Variants in FGGY observed in about 807,000 individuals in gnomAD.
FGGY encodes the protein FGGY carbohydrate kinase domain-containing protein.
A neutral mutation model predicts 71.3 loss-of-function variants in FGGY; 72 were observed. That is an observed-to-expected ratio of 1.01 (90% CI 0.84 to 1.23). The LOEUF is 1.23. FGGY is among the 50% of genes most tolerant of loss of function. The probability of loss-of-function intolerance (pLI) is 0.00; values close to 1 mark genes in which losing one functional copy is unlikely to be tolerated. For missense variants in FGGY, 668 were observed against 682.3 expected (o/e 0.98, Z 0.23); for synonymous variants, 251 against 250.3 (o/e 1.00, Z -0.02).
intron 4 of FGGY, among the ~76,000 whole-genome samples, chr1:59,361,335 A>C (rs1165162895): frequency 6.6e-6 from 1 of 152,210 alleles, no homozygotes; most frequent in Non-Finnish European, 1.5e-5. Context: ...AAGTCACAGT[A>C]CAGCATTAGT....
intron 14 of FGGY, chr1:59,699,121 C>T: frequency 4.1e-6 from 4 of 985,388 alleles, no homozygotes; most frequent in Non-Finnish European, 3.6e-6. Flanking sequence ...TCAAACCAAT[C>T]TTGATTATAA....
intron 9 of FGGY, among the ~76,000 whole-genome samples, chr1:59,614,808 A>C (rs2096732810): frequency 6.6e-6 from 1 of 152,236 alleles, no homozygotes; most frequent in Non-Finnish European, 1.5e-5. Context: ...AACTCCCCGG[A>C]TACAAAATCA....
intron 14 of FGGY, among the ~76,000 whole-genome samples, chr1:59,698,499 A>G (rs1340133081): frequency 1.3e-5 from 2 of 152,088 alleles, no homozygotes; most frequent in African/African-American, 4.8e-5. Flanking sequence ...CAGCATCTCA[A>G]TTCCCCCATG....
At chr1:59,573,566 C>T (rs2096025659) in intron 8 of FGGY, among the ~76,000 whole-genome samples, 1 of 151,936 alleles carries the variant, frequency 6.6e-6, no homozygotes, top group South Asian at 2.1e-4. Context: ...GAATATTATA[C>T]AATAATTCTT....
intron 5 of FGGY, among the ~76,000 whole-genome samples, chr1:59,380,805 C>A (rs1205656585): frequency 6.6e-6 from 1 of 151,504 alleles, no homozygotes; most frequent in Non-Finnish European, 1.5e-5. Context: ...AATGAGATCC[C>A]ATTTGTCAAT....
rs565269827 is a variant in FGGY at position 59,745,468 on chromosome 1, G to A, written c.1513-12463G>A. Among the ~76,000 whole-genome samples the A allele has an allele frequency of 9.2e-5, 14 of 152,284 alleles. No individual in the cohort carries two copies. In the South Asian group the frequency reaches 2.9e-3, roughly 32 times the overall value. On this transcript the variant is annotated intron_variant, in intron 14 of 15. Transcript: ENST00000303721. ...ATTTTGATTCTTTGCTGTCGATTTGGTTGCTGATCTGCTGGCCAAAGGATC... is the reference window on the plus strand; with the variant it reads ...ATTTTGATTCTTTGCTGTCGATTTGATTGCTGATCTGCTGGCCAAAGGATC...
chr1:59,565,956 C>A (rs888534114), intron 8 of FGGY, among the ~76,000 whole-genome samples: 1 of 152,192 alleles, frequency 6.6e-6, no homozygotes, highest in African/African-American at 2.4e-5. Context: ...CTGTTCCCTG[C>A]TGCGCTGTGG....
chr1:59,477,232 T>A (rs999500234), intron 6 of FGGY, among the ~76,000 whole-genome samples: 2 of 152,234 alleles, frequency 1.3e-5, no homozygotes, highest in African/African-American at 4.8e-5. Flanking sequence ...AGGTGGTGAC[T>A]TTGGCCTCCA....
At chr1:59,549,452 G>A (rs1282223644) in intron 7 of FGGY, among the ~76,000 whole-genome samples, 3 of 152,198 alleles carry the variant, frequency 2.0e-5, no homozygotes, top group Non-Finnish European at 4.4e-5. Flanking sequence ...AATCCTAGTT[G>A]AGTCCAACTT....
At chr1:59,362,752 T>C (rs2055819053) in intron 4 of FGGY, among the ~76,000 whole-genome samples, 1 of 152,210 alleles carries the variant, frequency 6.6e-6, no homozygotes, top group African/African-American at 2.4e-5. Context: ...AAATTATGTA[T>C]TTTAGAACTT....
rs2067233201 is a variant in FGGY at position 59,430,883 on chromosome 1, T to C, written c.555-26078T>C. The stretch of plus-strand genomic sequence containing the variant: ...CTTTTCATTGGGTAGCCCTACCTGC[T>C]GACCCATAGACACCCTAGGCTCAAC... On this transcript the variant is annotated intron_variant, in intron 5 of 15. Transcript: ENST00000303721. Among the ~76,000 whole-genome samples, 8 of 152,370 alleles carry C rather than the reference T, an allele frequency of 5.3e-5. No homozygotes were observed. The South Asian group carries it at 1.4e-3, about 28-fold the overall frequency.
intron 14 of FGGY, among the ~76,000 whole-genome samples, chr1:59,694,942 C>T (rs573430320): frequency 2.6e-5 from 4 of 152,240 alleles, no homozygotes; most frequent in South Asian, 4.1e-4. Flanking sequence ...TTTACTTGAT[C>T]GAAGAATTAG....
At chr1:59,660,909 G>A (rs1464528889) in intron 12 of FGGY, among the ~76,000 whole-genome samples, 1 of 152,182 alleles carries the variant, frequency 6.6e-6, no homozygotes, top group African/African-American at 2.4e-5. Context: ...CTACAAGAGG[G>A]TTCTAATCCT....
At chr1:59,413,167 T>C (rs181148680) in intron 5 of FGGY, among the ~76,000 whole-genome samples, 40 of 152,292 alleles carry the variant, frequency 2.6e-4, no homozygotes, top group African/African-American at 9.4e-4. Context: ...TTTAAGTCCT[T>C]TTTCTGTTGT....
intron 5 of FGGY, among the ~76,000 whole-genome samples, chr1:59,439,538 T>C (rs1004753586): frequency 6.6e-6 from 1 of 152,142 alleles, no homozygotes; most frequent in African/African-American, 2.4e-5. Flanking sequence ...AACTCTCCTT[T>C]CCTTAAAGAT....
At chr1:59,600,848 C>T (rs990254975) in intron 8 of FGGY, among the ~76,000 whole-genome samples, 3 of 152,120 alleles carry the variant, frequency 2.0e-5, no homozygotes, top group Non-Finnish European at 2.9e-5. Context: ...ATGTTTCTGC[C>T]TTTAAGATAA....
At chr1:59,556,258 AT>A (rs1313492217) in intron 8 of FGGY, among the ~76,000 whole-genome samples, 1 of 152,132 alleles carries the variant, frequency 6.6e-6, no homozygotes, top group Non-Finnish European at 1.5e-5. Flanking sequence ...CTCCTGGGAG[AT>A]CTGAATCTCA....
rs1571599725 is a variant in FGGY at position 59,397,773 on chromosome 1, A to G, written c.554+18936A>G. The stretch of plus-strand genomic sequence containing the variant: ...AAAAAGGTCTCAGCTTACACGGGAC[A>G]GCATTTTTACTTTTTACCCTTGCCT... On this transcript the variant is annotated intron_variant, in intron 5 of 15. Coordinates refer to ENST00000303721, the MANE Select transcript of FGGY (RefSeq NM_018291.5). 2.0e-5 allele frequency among the ~76,000 whole-genome samples: 3 copies of G among 152,340 alleles called. No homozygotes were observed. In the South Asian group the frequency reaches 6.2e-4, roughly 32 times the overall value.
At chr1:59,491,053 T>TTCCTTTCCTTTCCTTTCCCTCCCTCCCTC (rs1570025870) in intron 6 of FGGY, among the ~76,000 whole-genome samples, 4 of 2,038 alleles carry the variant, frequency 2.0e-3, no homozygotes, top group Non-Finnish European at 1.4e-3. Context: ...CTTCCTTCCT[T>TTCCTTTCCTTTCCTTTCCCTCCCTCCCTC]CCTTCCTTCC....
Sources: gnomAD v4.1 joint callset for allele counts (sites outside exome capture counted in the v4.1 genomes callset) on GRCh38, gnomAD v4.1.1 for gene constraint, MANE v1.5 for transcripts, NCBI Gene and HGNC (gene_info 2026-07-23, HGNC 2026-07-21) for gene names.